Variants in MYCBP2 observed in about 807,000 individuals in gnomAD.
The protein encoded by MYCBP2 is E3 ubiquitin-protein ligase MYCBP2.
MYCBP2 carries 120 observed loss-of-function variants against 525.3 expected under a neutral mutation model. That is an observed-to-expected ratio of 0.23 (90% CI 0.20 to 0.27). MYCBP2 has a LOEUF of 0.27. MYCBP2 is among the 10% of genes least tolerant of loss of function. MYCBP2 has a pLI of 1.00. For missense variants in MYCBP2, 4,149 were observed against 5,657.1 expected, an observed-to-expected ratio of 0.73 and a Z score of 8.55; for synonymous variants, 1,894 against 1,955.8, an observed-to-expected ratio of 0.97 and a Z score of 0.83.
intron 3 of MYCBP2, among the ~76,000 whole-genome samples, chr13:77,286,710 G>C (rs1208676021): frequency 9.3e-6 from 1 of 107,698 alleles, no homozygotes; most frequent in Admixed American, 1.2e-4. Context: ...GAGCCGAGAT[G>C]GCACCACTGC....
intron 61 of MYCBP2, among the ~76,000 whole-genome samples, chr13:77,088,222 C>T (rs767736621): frequency 1.6e-4 from 24 of 152,060 alleles, no homozygotes; most frequent in Non-Finnish European, 2.6e-4. Flanking sequence ...TCACATTTTA[C>T]TTTGAAAATT....
Position 77,243,858 on chromosome 13 carries a change from T to C in MYCBP2, c.2475A>G (p.Gln825=). 1.2e-6 allele frequency: 2 copies of C among 1,613,848 alleles called. No individual in the cohort carries two copies. The highest frequency in any genetic ancestry group is 1.7e-5 in the Admixed American group (1 of 59,986). The part of the protein sequence containing the change: ...ARELDGQEAR[Q]RGILDAVKEM... Reference sequence around the variant, plus strand: ...CTTTCACTGCATCAAGAATTCCTCTTTGTCTTGCCTCTTGACCATCTAACT... The same window carrying C: ...CTTTCACTGCATCAAGAATTCCTCTCTGTCTTGCCTCTTGACCATCTAACT... The change falls in exon 16 of 83, where the codon CAA becomes CAG. Residue 825 remains glutamine (Q), a synonymous_variant. Coordinates refer to ENST00000544440, the MANE Select transcript of MYCBP2 (RefSeq NM_015057.5).
chr13:77,234,986 G>C (rs920868619), intron 17 of MYCBP2, among the ~76,000 whole-genome samples: 1 of 151,720 alleles, frequency 6.6e-6, no homozygotes, highest in Non-Finnish European at 1.5e-5. Flanking sequence ...AAGAAGGCAC[G>C]GGGGCAATCA....
intron 46 of MYCBP2, among the ~76,000 whole-genome samples, chr13:77,151,232 A>G (rs2056405648): frequency 6.6e-6 from 1 of 152,218 alleles, no homozygotes; most frequent in Admixed American, 6.5e-5. Flanking sequence ...AATAAAGTAC[A>G]GGAAAAGATA....
rs142199953 is a variant in MYCBP2, at chr13:77,064,267, C to T, written c.12672+348G>A. 1.8e-3 allele frequency among the ~76,000 whole-genome samples: 277 copies of T among 152,340 alleles called. 1 individual carries two copies. The highest frequency in any genetic ancestry group is 6.3e-3 in the African/African-American group (260 of 41,576). On this transcript the variant is annotated intron_variant, in intron 73 of 82. Coordinates refer to ENST00000544440, the MANE Select transcript of MYCBP2 (RefSeq NM_015057.5). ...GTCTTGTCTCCAAAGGACCTTCGGT[C>T]TATCACAGCATAATGCTGGCACTAA...
intron 55 of MYCBP2, chr13:77,121,121 G>GT (rs1357880508): frequency 4.2e-6 from 1 of 240,034 alleles, no homozygotes; most frequent in African/African-American, 2.2e-5. Context: ...CAAAATGAGT[G>GT]TTTTTTAAAT....
rs575057811 is a variant in MYCBP2 at position 77,088,037 on chromosome 13, G to A, written c.10726-404C>T. ...GCGCTCAAGTGATCCTCCCTCCTCC[G>A]CCTCCCAAAGTGCTAGGATTACAAG... On this transcript the variant is annotated intron_variant, in intron 61 of 82. Coordinates refer to ENST00000544440, the MANE Select transcript of MYCBP2 (RefSeq NM_015057.5). 2.0e-3 allele frequency among the ~76,000 whole-genome samples: 298 copies of A among 151,842 alleles called. 1 individual carries two copies. Among genetic ancestry groups the A allele is most frequent in the Middle Eastern group, 0.014 (4 of 294 alleles).
At chr13:77,119,625 A>G (rs966791996) in intron 55 of MYCBP2, among the ~76,000 whole-genome samples, 4 of 152,174 alleles carry the variant, frequency 2.6e-5, no homozygotes, top group Admixed American at 2.0e-4. Flanking sequence ...CAGATAATAA[A>G]GTTAGATATA....
chr13:77,184,968 A>C, intron 32 of MYCBP2, 135 bp downstream of exon 32: 1 of 855,490 alleles, frequency 1.2e-6, no homozygotes, highest in Admixed American at 3.1e-5. Context: ...TGCTTATATA[A>C]GTCATGTACA....
chr13:77,327,029 C>T lies in MYCBP2; in HGVS notation c.-254G>A. ...CGGGAATGTGAGGAGGAGGCGGTGC[C>T]GCCACTGCCGCCGCCACCACCGCTA... On this transcript the variant is annotated 5_prime_UTR_variant, in exon 1 of 83. Transcript: ENST00000544440. The T allele has an allele frequency of 2.3e-6, 1 of 437,144 alleles. No homozygotes were observed. The highest frequency in any genetic ancestry group is 4.0e-6 in the Non-Finnish European group (1 of 252,518). The allele number at this position is 437,144 out of a possible 1,614,324, so 27.1% of individuals were successfully genotyped here.
At chr13:77,083,493 G>A (rs1427705915) in intron 62 of MYCBP2, among the ~76,000 whole-genome samples, 1 of 152,074 alleles carries the variant, frequency 6.6e-6, no homozygotes, top group African/African-American at 2.4e-5. Flanking sequence ...TATGTGTAGT[G>A]TGTGTGCATA....
intron 13 of MYCBP2, among the ~76,000 whole-genome samples, chr13:77,259,973 G>A (rs2072974421): frequency 6.6e-6 from 1 of 152,182 alleles, no homozygotes; most frequent in Non-Finnish European, 1.5e-5. Flanking sequence ...TAATTCTTGA[G>A]ACCCTACAAT....
chr13:77,142,239 G>T (rs2054784844), intron 49 of MYCBP2, among the ~76,000 whole-genome samples: 1 of 151,978 alleles, frequency 6.6e-6, no homozygotes, highest in Non-Finnish European at 1.5e-5. Context: ...TAAGATTTTT[G>T]TTTGCGTGTT....
Position 77,077,011 on chromosome 13 carries a change from T to C in MYCBP2, c.11724+137A>G, listed in dbSNP as rs778652829. ...AAATGCAACATGGAACTCAGGTGTTTAGGGCTATGAAAAGAAAAAATGGGC... is the reference window on the plus strand; with the variant it reads ...AAATGCAACATGGAACTCAGGTGTTCAGGGCTATGAAAAGAAAAAATGGGC... On this transcript the variant is annotated intron_variant, in intron 67 of 82. Transcript: ENST00000544440. The C allele has an allele frequency of 9.3e-5, 115 of 1,238,822 alleles. 1 individual carries two copies. The highest frequency in any genetic ancestry group is 1.2e-4 in the Non-Finnish European group (106 of 897,846). 76.7% of individuals were successfully genotyped at this position (1,238,822 alleles called of 1,614,324 possible).
At chr13:77,292,182 T>C (rs1351675200) in intron 2 of MYCBP2, among the ~76,000 whole-genome samples, 1 of 152,230 alleles carries the variant, frequency 6.6e-6, no homozygotes, top group Non-Finnish European at 1.5e-5. Flanking sequence ...CATGTCTTTC[T>C]TTCTGACATG....
At position 77,181,760 on chromosome 13, in the gene MYCBP2, C is replaced by T. The variant is rs752470906; in HGVS notation, c.4882G>A (p.Asp1628Asn). ...GGAAAACGATGAACTAGTGTTGAGT[C>T]GTTCTCTGTACTAACTTGTTTAACA... ...SIVKQVSTEN[D>N]STLVHRFPLL... Residue 1628 changes from aspartate to asparagine, a missense_variant, in exon 33 of 83, where the codon GAC (aspartate) becomes AAC (asparagine). This residue lies in a region of MYCBP2 where 292 missense variants were observed against 330.5 expected (regional missense o/e 0.88). Transcript: ENST00000544440. The T allele has an allele frequency of 6.2e-6, 10 of 1,614,034 alleles. No homozygotes were observed. The South Asian group carries it at 9.9e-5, about 16-fold the overall frequency.
chr13:77,242,196 C>G (rs917188339), intron 17 of MYCBP2, among the ~76,000 whole-genome samples: 2 of 152,218 alleles, frequency 1.3e-5, no homozygotes, highest in Non-Finnish European at 2.9e-5. Flanking sequence ...TCACTGCAAG[C>G]TCCACCTGCC....
At chr13:77,285,050 A>C (rs2076593156) in intron 3 of MYCBP2, among the ~76,000 whole-genome samples, 1 of 152,196 alleles carries the variant, frequency 6.6e-6, no homozygotes, top group Non-Finnish European at 1.5e-5. Flanking sequence ...TTTTCTTTGA[A>C]AGATACCCCT....
chr13:77,071,544 G>A (rs1271488129), intron 68 of MYCBP2, among the ~76,000 whole-genome samples: 2 of 152,032 alleles, frequency 1.3e-5, no homozygotes, highest in Non-Finnish European at 2.9e-5. Context: ...TTAGAATGTT[G>A]AGATCAGCTA....
Sources: allele counts gnomAD v4.1 joint callset (sites outside exome capture counted in the v4.1 genomes callset), GRCh38; gene constraint gnomAD v4.1.1; regional missense constraint gnomAD v4.1.1; transcripts MANE v1.5; gene names NCBI Gene and HGNC (gene_info 2026-07-23, HGNC 2026-07-21).